ZBTB46: variants seen among roughly 807,000 people sequenced by gnomAD.
ZBTB46 encodes the protein zinc finger and BTB domain-containing protein 46.
A neutral mutation model predicts 44.1 loss-of-function variants in ZBTB46; 8 were observed. That is an observed-to-expected ratio of 0.18 (90% CI 0.11 to 0.33). The LOEUF is 0.33. Ranked by LOEUF, ZBTB46 falls within the 10% of genes least tolerant of loss-of-function variation. The pLI is 1.00. For synonymous variants in ZBTB46, 409 were observed against 382.3 expected (o/e 1.07, Z -0.81); for missense variants, 651 against 847.7 (o/e 0.77, Z 2.88).
chr20:63,802,030 C>T (rs546029727), intron 1 of ZBTB46, among the ~76,000 whole-genome samples: 7 of 152,292 alleles, frequency 4.6e-5, no homozygotes, highest in Middle Eastern at 6.8e-3. Flanking sequence ...TTGAACCCCC[C>T]GCCCCCGCCT....
At position 63,804,621 on chromosome 20, in the gene ZBTB46, C is replaced by T. The variant is rs918855403; in HGVS notation, c.-33-13831G>A. On this transcript the variant is annotated intron_variant, in intron 1 of 4. Coordinates refer to ENST00000245663, the MANE Select transcript of ZBTB46 (RefSeq NM_001369741.1). Reference sequence around the variant, plus strand: ...CAAAACTACAGTACCAGGCCGGGCACGGTGGCTCACGCCTGTAATCCCAGC... The same window carrying T: ...CAAAACTACAGTACCAGGCCGGGCATGGTGGCTCACGCCTGTAATCCCAGC... 2.4e-4 allele frequency among the ~76,000 whole-genome samples: 37 copies of T among 152,252 alleles called. 1 individual carries two copies. The highest frequency in any genetic ancestry group is 8.4e-4 in the African/African-American group (35 of 41,572).
chr20:63,751,667 TG>T, intron 4 of ZBTB46, among the ~76,000 whole-genome samples: 2 of 141,692 alleles, frequency 1.4e-5, no homozygotes, highest in Admixed American at 6.9e-5. Flanking sequence ...GGTCTCCCCA[TG>T]AAGCCCCGCC....
rs111382737 is a variant in ZBTB46, at chr20:63,782,968, A to G, written c.937+6853T>C. Among the ~76,000 whole-genome samples the G allele has an allele frequency of 5.8e-3, 880 of 152,328 alleles. 9 individuals carry two copies. The highest frequency in any genetic ancestry group is 9.8e-3 in the Non-Finnish European group (669 of 68,034). On this transcript the variant is annotated intron_variant, in intron 2 of 4. Coordinates refer to ENST00000245663, the MANE Select transcript of ZBTB46 (RefSeq NM_001369741.1). ...AGTGAGATCTACATCTCTATAAAAA[A>G]CATTTTTAAAAATTAGCCAGGCGTG...
At chr20:63,780,541 G>T (rs1004176294) in intron 2 of ZBTB46, among the ~76,000 whole-genome samples, 2 of 152,178 alleles carry the variant, frequency 1.3e-5, no homozygotes, top group Admixed American at 1.3e-4. Flanking sequence ...GGTGGCTCAT[G>T]CCTGTAATCC....
Position 63,803,881 on chromosome 20 carries a change from G to C in ZBTB46, c.-33-13091C>G, listed in dbSNP as rs893385315. On this transcript the variant is annotated intron_variant, in intron 1 of 4. Transcript: ENST00000245663. This position sits in a 1 kb window ranked among gnomAD's most constrained non-coding sequence, Gnocchi z 4.0. ...CGCCACCACACGGGCTAATTTTTTT[G>C]TTTTGTAGAGACGGGGTTCTGTCGT... Among the ~76,000 whole-genome samples the C allele has an allele frequency of 3.3e-5, 5 of 152,090 alleles. No individual in the cohort carries two copies. The East Asian group carries it at 9.6e-4, about 29-fold the overall frequency.
chr20:63,785,660 T>A (rs1278029126), intron 2 of ZBTB46, among the ~76,000 whole-genome samples: 1 of 152,244 alleles, frequency 6.6e-6, no homozygotes, highest in Non-Finnish European at 1.5e-5. Context: ...GGAAACAAAC[T>A]GACCTCCATG....
At position 63,823,538 on chromosome 20, in the gene ZBTB46, CAAA is replaced by C. The variant is rs922316574; in HGVS notation, c.-34+7556_-34+7558del. 1.3e-3 allele frequency among the ~76,000 whole-genome samples: 195 copies of C among 147,322 alleles called. 2 individuals carry two copies. Among genetic ancestry groups the C allele is most frequent in the African/African-American group, 4.8e-3 (186 of 38,674 alleles). ...TAAATAAGATAAAATAAAAATAAAA[CAAA>C]AATAAAAAAATTGGCCGGGTGTGGT... On this transcript the variant is annotated intron_variant, in intron 1 of 4. Coordinates refer to ENST00000245663, the MANE Select transcript of ZBTB46 (RefSeq NM_001369741.1).
rs1321661056 is a variant in ZBTB46 at position 63,803,484 on chromosome 20, G to T, written c.-33-12694C>A. On this transcript the variant is annotated intron_variant, in intron 1 of 4. Transcript: ENST00000245663. The surrounding 1 kb of genome is among the most constrained non-coding windows in gnomAD (Gnocchi z 4.0). ...TGAGCAAGTGGGTGCTGGCGATGAG[G>T]ACTTTAGGTTTTCCACATGGCAGCC... 1 of 985,176 alleles carries T rather than the reference G, an allele frequency of 1.0e-6. No individual in the cohort carries two copies. The highest frequency in any genetic ancestry group is 1.2e-6 in the Non-Finnish European group (1 of 829,936). 61.0% of individuals were successfully genotyped at this position (985,176 alleles called of 1,614,324 possible). A position where few individuals can be genotyped will look rare whatever the true frequency, so the allele number is the denominator to read the frequency against.
At chr20:63,824,048 G>C (rs533324693) in intron 1 of ZBTB46, among the ~76,000 whole-genome samples, 5 of 152,300 alleles carry the variant, frequency 3.3e-5, no homozygotes, top group African/African-American at 1.2e-4. Flanking sequence ...TTAGAGACCA[G>C]AGGCTCAGGG....
chr20:63,762,608 C>T (rs970896365), intron 3 of ZBTB46, among the ~76,000 whole-genome samples: 5 of 151,880 alleles, frequency 3.3e-5, no homozygotes, highest in East Asian at 1.9e-4. Context: ...GAGCCGAGAT[C>T]GCGCCACTGC....
intron 1 of ZBTB46, among the ~76,000 whole-genome samples, chr20:63,817,557 A>C (rs2146068452): frequency 6.6e-6 from 1 of 151,996 alleles, no homozygotes; most frequent in South Asian, 2.1e-4. Flanking sequence ...CCTACCAAAA[A>C]TACAAAAAAT....
chr20:63,761,768 C>A (rs192420984), intron 3 of ZBTB46, among the ~76,000 whole-genome samples: 1 of 133,012 alleles, frequency 7.5e-6, no homozygotes, highest in Non-Finnish European at 1.5e-5. Context: ...GGTGACAGAG[C>A]GAGACTCTGC....
intron 4 of ZBTB46, among the ~76,000 whole-genome samples, chr20:63,751,990 AGCCCGGG>A (rs1035591282): frequency 1.3e-5 from 2 of 152,036 alleles, no homozygotes; most frequent in African/African-American, 4.8e-5. Flanking sequence ...CTCTGCCCGG[AGCCCGGG>A]GCGCCTCCAC....
chr20:63,780,335 TA>T (rs1435966663), intron 2 of ZBTB46, among the ~76,000 whole-genome samples: 1 of 151,392 alleles, frequency 6.6e-6, no homozygotes, highest in Non-Finnish European at 1.5e-5. Flanking sequence ...GTTAGCAAGG[TA>T]ACTCAATGGA....
At chr20:63,809,954 CCT>C (rs2092708305) in intron 1 of ZBTB46, among the ~76,000 whole-genome samples, 2 of 146,958 alleles carry the variant, frequency 1.4e-5, no homozygotes, top group African/African-American at 2.5e-5. Context: ...ACAGCAAGGC[CCT>C]CTCTCAAAAA....
At chr20:63,812,458 A>ATG (rs2092722956) in intron 1 of ZBTB46, among the ~76,000 whole-genome samples, 1 of 151,902 alleles carries the variant, frequency 6.6e-6, no homozygotes, top group African/African-American at 2.4e-5. Flanking sequence ...CCTGGCCAAC[A>ATG]TGGTAAAACC....
intron 2 of ZBTB46, among the ~76,000 whole-genome samples, chr20:63,779,060 G>C (rs898309183): frequency 6.6e-6 from 1 of 152,196 alleles, no homozygotes. Flanking sequence ...GTGTGCTCAC[G>C]AGCGTGTTCA....
chr20:63,754,988 T>G (rs887512331), intron 3 of ZBTB46, among the ~76,000 whole-genome samples: 1 of 152,250 alleles, frequency 6.6e-6, no homozygotes. Context: ...ATTTTAGCCA[T>G]TTTTATTTAA....
At chr20:63,775,425 A>C (rs2092416379) in intron 3 of ZBTB46, 3 of 425,398 alleles carry the variant, frequency 7.1e-6, no homozygotes, top group Non-Finnish European at 1.2e-5. Flanking sequence ...TCCAGCAAGC[A>C]CTCGGCTGCT....
Sources: gnomAD v4.1 joint callset for allele counts (sites outside exome capture counted in the v4.1 genomes callset) on GRCh38, gnomAD v4.1.1 for gene constraint, Gnocchi (gnomAD v3.1) non-coding constraint, MANE v1.5 for transcripts, NCBI Gene and HGNC (gene_info 2026-07-23, HGNC 2026-07-21) for gene names.